Variants in NBAS observed in about 807,000 individuals in gnomAD.
NBAS encodes the protein NAG/BC035112 fusion.
NBAS carries 219 observed loss-of-function variants against 302.5 expected under a neutral mutation model. The ratio of observed to expected loss-of-function variants is 0.72; its 90% CI spans 0.65 to 0.81. NBAS has a LOEUF of 0.81. Among genes scored for constraint, NBAS ranks in the 30% least tolerant of loss-of-function variants. The pLI, the probability that NBAS is intolerant of heterozygous loss-of-function variation, is 0.00. For synonymous variants in NBAS, 1,118 were observed against 1,021.6 expected, an observed-to-expected ratio of 1.09 and a Z score of -1.80; for missense variants, 2,932 against 2,841.6, an observed-to-expected ratio of 1.03 and a Z score of -0.72.
the NBAS span, among the ~76,000 whole-genome samples, chr2:14,872,633 G>T: frequency 6.6e-6 from 1 of 152,048 alleles, no homozygotes; most frequent in African/African-American, 2.4e-5. Context: ...CCTTCGGGGT[G>T]AGTGTTACAG....
At chr2:15,544,736 G>T (rs1483183560) in intron 6 of NBAS, among the ~76,000 whole-genome samples, 1 of 152,228 alleles carries the variant, frequency 6.6e-6, no homozygotes, top group Non-Finnish European at 1.5e-5. Flanking sequence ...GAAAGAGCCA[G>T]GCTCAGGGCT....
intron 30 of NBAS, among the ~76,000 whole-genome samples, 199 bp from the exon 31 acceptor site, chr2:15,374,919 G>A (rs558555885): frequency 1.3e-5 from 2 of 152,138 alleles, no homozygotes; most frequent in African/African-American, 2.4e-5. Flanking sequence ...GCCTTTTCAG[G>A]GAGCTAAAAC....
the NBAS span, among the ~76,000 whole-genome samples, chr2:14,987,917 A>G: frequency 1.3e-5 from 2 of 152,120 alleles, no homozygotes; most frequent in Non-Finnish European, 2.9e-5. Context: ...TCAAATCTTA[A>G]TAAATTTTGA....
In NBAS at chr2:15,379,784, G is replaced by A; in HGVS notation, c.3408C>T (p.His1136=). 6.2e-7 allele frequency: 1 copy of A among 1,614,068 alleles called. No homozygotes were observed. Among genetic ancestry groups the A allele is most frequent in the South Asian group, 1.1e-5 (1 of 91,080 alleles). ...LLCSSRLENI[H]LAGQMMHCSA... ...TGCAGTGCATCATCTGTCCAGCCAG[G>A]TGGATGTTTTCAAGGCGACTAGAGC... Residue 1136 remains histidine (H), a synonymous_variant, in exon 30 of 52, where the codon CAC becomes CAT. Coordinates refer to ENST00000281513, the MANE Select transcript of NBAS (RefSeq NM_015909.4).
At chr2:15,518,119 A>C (rs540550181) in intron 9 of NBAS, among the ~76,000 whole-genome samples, 1 of 121,634 alleles carries the variant, frequency 8.2e-6, no homozygotes, top group Non-Finnish European at 1.8e-5. Flanking sequence ...CTAGTTAATG[A>C]AGTCTAGGGG....
chr2:14,980,768 T>C, the NBAS span, among the ~76,000 whole-genome samples: 1 of 152,156 alleles, frequency 6.6e-6, no homozygotes, highest in Non-Finnish European at 1.5e-5. Flanking sequence ...AAACAATCAA[T>C]TTAAAAATAG....
chr2:15,267,915 T>TTAA (rs1200783621), intron 44 of NBAS, among the ~76,000 whole-genome samples: 1 of 152,194 alleles, frequency 6.6e-6, no homozygotes, highest in Admixed American at 6.5e-5. Flanking sequence ...TTGGCCTTAA[T>TTAA]GACAGTACTT....
At chr2:15,557,268 AAC>A (rs1303027620) in intron 2 of NBAS, among the ~76,000 whole-genome samples, 1 of 152,196 alleles carries the variant, frequency 6.6e-6, no homozygotes, top group Non-Finnish European at 1.5e-5. Flanking sequence ...CAAAACCTCT[AAC>A]ACGCTATAAA....
At chr2:14,826,086 T>C in the NBAS span, among the ~76,000 whole-genome samples, 1 of 152,194 alleles carries the variant, frequency 6.6e-6, no homozygotes. Context: ...AGAGGCTAAA[T>C]GAGGAGGGTG....
chr2:15,328,571 G>C (rs1002541658), intron 36 of NBAS, among the ~76,000 whole-genome samples: 3 of 152,142 alleles, frequency 2.0e-5, no homozygotes, highest in African/African-American at 7.2e-5. Context: ...TTCTTTTCCT[G>C]GTCACTTTGA....
chr2:15,246,800 G>C (rs1197669384), intron 44 of NBAS, among the ~76,000 whole-genome samples: 1 of 152,172 alleles, frequency 6.6e-6, no homozygotes, highest in Non-Finnish European at 1.5e-5. Flanking sequence ...CATCTGCCTT[G>C]GGCTGAGTGC....
chr2:14,914,973 T>C, the NBAS span, among the ~76,000 whole-genome samples: 5 of 152,352 alleles, frequency 3.3e-5, no homozygotes, highest in South Asian at 2.1e-4. Context: ...ATACTCCCTA[T>C]TCAATGGTCT....
At chr2:14,924,069 T>C in the NBAS span, among the ~76,000 whole-genome samples, 5 of 152,158 alleles carry the variant, frequency 3.3e-5, no homozygotes, top group Non-Finnish European at 5.9e-5. Flanking sequence ...AGAATACATC[T>C]GCCACCACAT....
At chr2:15,452,545 G>A (rs1042765351) in intron 21 of NBAS, among the ~76,000 whole-genome samples, 1 of 148,394 alleles carries the variant, frequency 6.7e-6, no homozygotes, top group Non-Finnish European at 1.5e-5. Context: ...CCGAGATCGC[G>A]CCACTGCACT....
At chr2:14,849,562 T>A in the NBAS span, among the ~76,000 whole-genome samples, 1 of 150,438 alleles carries the variant, frequency 6.6e-6, no homozygotes, top group Non-Finnish European at 1.5e-5. Flanking sequence ...AACGTTCAGA[T>A]TCAGGAAATA....
chr2:15,408,725 T>C (rs1036244036), intron 25 of NBAS, among the ~76,000 whole-genome samples: 1 of 152,200 alleles, frequency 6.6e-6, no homozygotes. Context: ...AAATCCCTAA[T>C]GCATCAGTAA....
chr2:15,343,672 C>T (rs1437089491), intron 35 of NBAS, among the ~76,000 whole-genome samples: 1 of 151,746 alleles, frequency 6.6e-6, no homozygotes, highest in Admixed American at 6.6e-5. Flanking sequence ...TACCTCAAGT[C>T]TATACTTATT....
Position 15,534,627 on chromosome 2 carries a change from T to C in NBAS, c.662A>G (p.Gln221Arg), listed in dbSNP as rs1278336656. ...GAAACAGTGACTTTCTTGGTAGCTCTGATTTGTTCCAACACTAAATTTAAG... is the reference window on the plus strand; with the variant it reads ...GAAACAGTGACTTTCTTGGTAGCTCCGATTTGTTCCAACACTAAATTTAAG... ...RSYLVSVGTNQSYQESHCFSF... is the reference protein window; with the variant it reads ...RSYLVSVGTNRSYQESHCFSF... Residue 221 changes from glutamine (Q) to arginine (R), a missense_variant, in exon 9 of 52, where the codon CAG (glutamine) becomes CGG (arginine). Gln to Arg is a conservative substitution (Grantham distance 43, BLOSUM62 1). Coordinates refer to ENST00000281513, the MANE Select transcript of NBAS (RefSeq NM_015909.4). The C allele has an allele frequency of 1.9e-6, 3 of 1,613,188 alleles. No homozygotes were observed. In the East Asian group the frequency reaches 6.7e-5, roughly 36 times the overall value.
chr2:15,043,827 C>G, the NBAS span, among the ~76,000 whole-genome samples: 1 of 152,316 alleles, frequency 6.6e-6, no homozygotes, highest in South Asian at 2.1e-4. Flanking sequence ...CAGCATCTCA[C>G]CTTGGAGGGT....
Sources: allele counts gnomAD v4.1 joint callset (sites outside exome capture counted in the v4.1 genomes callset), GRCh38; gene constraint gnomAD v4.1.1; transcripts MANE v1.5; gene names NCBI Gene and HGNC (gene_info 2026-07-23, HGNC 2026-07-21).